Variants in B3GNT9 observed in about 807,000 individuals in gnomAD.
The protein encoded by B3GNT9 is BGnT-9.
For missense variants in B3GNT9, 669 were observed against 599.2 expected, an observed-to-expected ratio of 1.12 and a Z score of -1.22; for synonymous variants, 359 against 283.9, an observed-to-expected ratio of 1.26 and a Z score of -2.66.
Position 67,149,985 on chromosome 16 carries a change from G to T in B3GNT9, c.501C>A (p.Ala167=). Residue 167 remains alanine, a synonymous_variant, in exon 2 of 2, where the codon GCC becomes GCA. Transcript: ENST00000449549. ...TTCGCGCGCCCTCCCCAACTTCGTC[G>T]GCCCCGCCCGAGCCTGCGCCCCTGG... ...GVPRGAGSGG[A]DEVGEGARTH... 6.5e-7 allele frequency: 1 copy of T among 1,536,564 alleles called. No individual in the cohort carries two copies. Among genetic ancestry groups the T allele is most frequent in the Non-Finnish European group, 8.8e-7 (1 of 1,140,306 alleles).
chr16:67,150,598 T>C lies in B3GNT9; in HGVS notation c.-113A>G. 2 of 888,576 alleles carry C rather than the reference T, an allele frequency of 2.3e-6. No homozygotes were observed. The highest frequency in any genetic ancestry group is 3.0e-6 in the Non-Finnish European group (2 of 672,248). The allele number at this position is 888,576 out of a possible 1,614,324, so 55.0% of individuals were successfully genotyped here. A position where few individuals can be genotyped will look rare whatever the true frequency, so the allele number is the denominator to read the frequency against. The stretch of plus-strand genomic sequence containing the variant: ...CGGGAGGCCACGCCCCGGGGGGGGC[T>C]CCAGCGACCGACGGTTGAGCCCCTT... On this transcript the variant is annotated 5_prime_UTR_variant, in exon 2 of 2. Transcript: ENST00000449549.
Position 67,150,588 on chromosome 16 carries a change from C to CG in B3GNT9, c.-104dup, listed in dbSNP as rs913274876. 1.1e-3 allele frequency: 1,100 copies of CG among 996,794 alleles called. No homozygotes were observed. Among genetic ancestry groups the CG allele is most frequent in the Middle Eastern group, 1.8e-3 (5 of 2,780 alleles). 61.7% of individuals were successfully genotyped at this position (996,794 alleles called of 1,614,324 possible). A position where few individuals can be genotyped will look rare whatever the true frequency, so the allele number is the denominator to read the frequency against. Reference sequence around the variant, plus strand: ...GCTGAGGGGGCGGGAGGCCACGCCCCGGGGGGGGCTCCAGCGACCGACGGT... The same window carrying CG: ...GCTGAGGGGGCGGGAGGCCACGCCCCGGGGGGGGGCTCCAGCGACCGACGGT... On this transcript the variant is annotated 5_prime_UTR_variant, in exon 2 of 2. Coordinates refer to ENST00000449549, the MANE Select transcript of B3GNT9 (RefSeq NM_033309.3).
chr16:67,150,397 T>C lies in B3GNT9; in HGVS notation c.89A>G (p.Asp30Gly), dbSNP rs1223974983. 1.5e-6 allele frequency: 2 copies of C among 1,354,334 alleles called. No homozygotes were observed. The highest frequency in any genetic ancestry group is 3.1e-5 in the East Asian group (1 of 32,328). The allele number at this position is 1,354,334 out of a possible 1,614,324, so 83.9% of individuals were successfully genotyped here. A position where few individuals can be genotyped will look rare whatever the true frequency, so the allele number is the denominator to read the frequency against. The change falls in exon 2 of 2, where the codon GAC becomes GGC. Residue 30 changes from aspartate to glycine, a missense_variant. Asp to Gly is a moderately conservative substitution (Grantham distance 94). Coordinates refer to ENST00000449549, the MANE Select transcript of B3GNT9 (RefSeq NM_033309.3). The part of the protein sequence containing the change: ...SLGLLLYAQR[D>G]GAAPTASAPR... ...CGCGCTCGCCGTCGGGGCCGCGCCG[T>C]CGCGCTGCGCATAGAGTAAGAGGCC...
Position 67,149,639 on chromosome 16 carries a change from A to G in B3GNT9, c.847T>C (p.Tyr283His), listed in dbSNP as rs747374886. Residue 283 changes from tyrosine to histidine, a missense_variant, in exon 2 of 2, where the codon TAT becomes CAT. Coordinates refer to ENST00000449549, the MANE Select transcript of B3GNT9 (RefSeq NM_033309.3). ...CCACCGCCGCCCGCGTAGGCCGGAT[A>G]GGCGGGCAGGCCGTACACGGCCTCG... ...IPEAVYGLPAYPAYAGGGGFV... is the reference protein window; with the variant it reads ...IPEAVYGLPAHPAYAGGGGFV... 2.9e-5 allele frequency: 46 copies of G among 1,600,752 alleles called. No individual in the cohort carries two copies. The highest frequency in any genetic ancestry group is 3.7e-5 in the Non-Finnish European group (44 of 1,174,106).
chr16:67,149,724 A>G lies in B3GNT9; in HGVS notation c.762T>C (p.Ala254=), dbSNP rs2030382797. 2 of 1,613,574 alleles carry G rather than the reference A, an allele frequency of 1.2e-6. No homozygotes were observed. Among genetic ancestry groups the G allele is most frequent in the Non-Finnish European group, 1.7e-6 (2 of 1,179,786 alleles). ...APRDPAQDLL[A]GDVIVHARPI... ...GCCGCGCATGCACAATTACGTCACC[A>G]GCAAGCAGGTCTTGCGCCGGGTCCC... Residue 254 remains alanine (A), a synonymous_variant, in exon 2 of 2, where the codon GCT becomes GCC. Transcript: ENST00000449549.
rs756104538 is a variant in B3GNT9, at chr16:67,150,123, A to G, written c.363T>C (p.Ala121=). ...APGGRPDLLI[A]VKSVAEDFER... is the part of the protein sequence containing the mutation. ...CGAAGTCCTCTGCCACCGACTTGAC[A>G]GCAATAAGCAGGTCCGGGCGGCCAC... The change falls in exon 2 of 2, where the codon GCT becomes GCC. Residue 121 remains alanine (A), a synonymous_variant. Transcript: ENST00000449549. The G allele has an allele frequency of 6.7e-7, 1 of 1,496,752 alleles. No individual in the cohort carries two copies. The highest frequency in any genetic ancestry group is 8.9e-7 in the Non-Finnish European group (1 of 1,124,988). The allele number at this position is 1,496,752 out of a possible 1,614,324, so 92.7% of individuals were successfully genotyped here.
At position 67,150,026 on chromosome 16, in the gene B3GNT9, A is replaced by C. The variant is rs2030402350; in HGVS notation, c.460T>G (p.Phe154Val). 6.6e-7 allele frequency: 1 copy of C among 1,518,656 alleles called. No homozygotes were observed. The highest frequency in any genetic ancestry group is 8.8e-7 in the Non-Finnish European group (1 of 1,134,048). The allele number at this position is 1,518,656 out of a possible 1,614,324, so 94.1% of individuals were successfully genotyped here. ...RVQGALVRRVFLLGVPRGAGS... is the reference protein window; with the variant it reads ...RVQGALVRRVVLLGVPRGAGS... ...GCGCCCCTGGGCACGCCCAGCAAGA[A>C]CACGCGGCGCACCAGCGCCCCCTGC... The change falls in exon 2 of 2, where the codon TTC becomes GTC. Residue 154 changes from phenylalanine to valine, a missense_variant. Coordinates refer to ENST00000449549, the MANE Select transcript of B3GNT9 (RefSeq NM_033309.3).
rs1419730884 is a variant in B3GNT9, at chr16:67,148,388, C to A, written c.*889G>T. 6.6e-6 allele frequency: 1 copy of A among 152,646 alleles called. No individual in the cohort carries two copies. Among genetic ancestry groups the A allele is most frequent in the African/African-American group, 2.4e-5 (1 of 41,452 alleles). 9.5% of individuals were successfully genotyped at this position (152,646 alleles called of 1,614,324 possible). On this transcript the variant is annotated 3_prime_UTR_variant, in exon 2 of 2. Transcript: ENST00000449549. Reference sequence around the variant, plus strand: ...ACTGTGGCCTGGCCAGAGCCCCTTGCATATCCCCACTGTCAGGGGCAGCCA... The same window carrying A: ...ACTGTGGCCTGGCCAGAGCCCCTTGAATATCCCCACTGTCAGGGGCAGCCA...
Position 67,150,336 on chromosome 16 carries a change from G to T in B3GNT9, c.150C>A (p.Thr50=), listed in dbSNP as rs763632204. 7.2e-7 allele frequency: 1 copy of T among 1,381,348 alleles called. No homozygotes were observed. The highest frequency in any genetic ancestry group is 9.4e-7 in the Non-Finnish European group (1 of 1,067,798). The allele number at this position is 1,381,348 out of a possible 1,614,324, so 85.6% of individuals were successfully genotyped here. Residue 50 remains threonine (T), a synonymous_variant, in exon 2 of 2, where the codon ACC becomes ACA. Coordinates refer to ENST00000449549, the MANE Select transcript of B3GNT9 (RefSeq NM_033309.3). The part of the protein sequence containing the change: ...RGRGRAAPRP[T]PGPRAFQLPD... Reference sequence around the variant, plus strand: ...GTAACTGGAACGCGCGGGGTCCGGGGGTGGGCCTCGGTGCCGCCCTCCCTC... The same window carrying T: ...GTAACTGGAACGCGCGGGGTCCGGGTGTGGGCCTCGGTGCCGCCCTCCCTC...
intron 1 of B3GNT9, 85 bp downstream of exon 1, chr16:67,150,780 C>T (rs752263764): frequency 4.8e-5 from 15 of 313,174 alleles, no homozygotes; most frequent in Non-Finnish European, 6.4e-5. Flanking sequence ...TCGGCCCCTC[C>T]CCCGCCCGCC....
chr16:67,149,226 A>C lies in B3GNT9; in HGVS notation c.*51T>G. On this transcript the variant is annotated 3_prime_UTR_variant, in exon 2 of 2. Transcript: ENST00000449549. ...CCACATACACGGCAATAATCTGGGA[A>C]ACCGGCTCCATTCTGGGTCTGAGTT... 1 of 1,503,502 alleles carries C rather than the reference A, an allele frequency of 6.7e-7. No homozygotes were observed. The highest frequency in any genetic ancestry group is 8.9e-7 in the Non-Finnish European group (1 of 1,127,654). The allele number at this position is 1,503,502 out of a possible 1,614,324, so 93.1% of individuals were successfully genotyped here.
Position 67,149,790 on chromosome 16 carries a change from C to T in B3GNT9, c.696G>A (p.Val232=). ...VRFVFKGDAD[V]FVNVGNLLEF... ...CCAGGAGATTTCCCACGTTCACGAACACATCTGCGTCGCCCTTAAAAACGA... is the reference window on the plus strand; with the variant it reads ...CCAGGAGATTTCCCACGTTCACGAATACATCTGCGTCGCCCTTAAAAACGA... Residue 232 remains valine (V), a synonymous_variant, in exon 2 of 2, where the codon GTG becomes GTA. Transcript: ENST00000449549. 1 of 1,613,908 alleles carries T rather than the reference C, an allele frequency of 6.2e-7. No homozygotes were observed. The highest frequency in any genetic ancestry group is 8.5e-7 in the Non-Finnish European group (1 of 1,179,818).
rs764039776 is a variant in B3GNT9, at chr16:67,149,036, C to T, written c.*241G>A. ...ACCAGACATATCCACTGCTCTGGGA[C>T]CTGTTGGACAAGAGATGGTCATCTA... On this transcript the variant is annotated 3_prime_UTR_variant, in exon 2 of 2. Coordinates refer to ENST00000449549, the MANE Select transcript of B3GNT9 (RefSeq NM_033309.3). The T allele has an allele frequency of 1.0e-5, 7 of 696,264 alleles. No individual in the cohort carries two copies. In the Admixed American group the frequency reaches 1.2e-4, roughly 11 times the overall value. 43.1% of individuals were successfully genotyped at this position (696,264 alleles called of 1,614,324 possible). A position where few individuals can be genotyped will look rare whatever the true frequency, so the allele number is the denominator to read the frequency against.
In B3GNT9 at chr16:67,149,283, G is replaced by A. The variant is rs1436440677; in HGVS notation, c.1203C>T (p.Asp401=). The A allele has an allele frequency of 6.5e-7, 1 of 1,538,396 alleles. No homozygotes were observed. The highest frequency in any genetic ancestry group is 8.7e-7 in the Non-Finnish European group (1 of 1,142,898). Residue 401 remains aspartate (D), a synonymous_variant, in exon 2 of 2, where the codon GAC becomes GAT. Coordinates refer to ENST00000449549, the MANE Select transcript of B3GNT9 (RefSeq NM_033309.3). ...TTGGGGCTGTAGTGGGGAGCTAGGA[G>A]TCCCATTGGAAGGGGCCTGCAGCGA... ...QPVAAGPFQW[D]S
Position 67,148,456 on chromosome 16 carries a change from C to G in B3GNT9, c.*821G>C, listed in dbSNP as rs1261033063. 2 of 152,560 alleles carry G rather than the reference C, an allele frequency of 1.3e-5. No homozygotes were observed. The highest frequency in any genetic ancestry group is 2.4e-5 in the African/African-American group (1 of 41,468). 9.5% of individuals were successfully genotyped at this position (152,560 alleles called of 1,614,324 possible). ...CTGGAATGGGGGAACCTTCCTTATC[C>G]CCTGCCCACATCCCCTCTCCAATAA... is the stretch of plus-strand genomic sequence containing the variant. On this transcript the variant is annotated 3_prime_UTR_variant, in exon 2 of 2. Transcript: ENST00000449549.
At position 67,150,371 on chromosome 16, in the gene B3GNT9, GC is replaced by G; in HGVS notation, c.114del (p.Pro39ArgfsTer166). The G allele has an allele frequency of 7.4e-7, 1 of 1,347,652 alleles. No individual in the cohort carries two copies. Among genetic ancestry groups the G allele is most frequent in the Non-Finnish European group, 9.5e-7 (1 of 1,050,520 alleles). 83.5% of individuals were successfully genotyped at this position (1,347,652 alleles called of 1,614,324 possible). A position where few individuals can be genotyped will look rare whatever the true frequency, so the allele number is the denominator to read the frequency against. Reference protein sequence around the residue: ...QRDGAAPTASAPRGRGRAAPR... With the variant: ...QRDGAAPTASXPRGRGRAAPR... ...GGTGCCGCCCTCCCTCGCCCTCGCG[GC>G]GCGCTCGCCGTCGGGGCCGCGCCGT... On this transcript the variant is annotated frameshift_variant, in exon 2 of 2. Coordinates refer to ENST00000449549, the MANE Select transcript of B3GNT9 (RefSeq NM_033309.3). LOFTEE classifies it low-confidence loss of function (END_TRUNC).
At position 67,149,782 on chromosome 16, in the gene B3GNT9, T is replaced by C. The variant is rs762295985; in HGVS notation, c.704A>G (p.Asn235Ser). Reference protein sequence around the residue: ...VFKGDADVFVNVGNLLEFLAP... With the variant: ...VFKGDADVFVSVGNLLEFLAP... ...CAGGAACTCCAGGAGATTTCCCACGTTCACGAACACATCTGCGTCGCCCTT... is the reference window on the plus strand; with the variant it reads ...CAGGAACTCCAGGAGATTTCCCACGCTCACGAACACATCTGCGTCGCCCTT... The change falls in exon 2 of 2, where the codon AAC (asparagine) becomes AGC (serine). Residue 235 changes from asparagine to serine, a missense_variant. By Grantham distance (46) the Asn-to-Ser change is conservative. Coordinates refer to ENST00000449549, the MANE Select transcript of B3GNT9 (RefSeq NM_033309.3). 2 of 1,613,894 alleles carry C rather than the reference T, an allele frequency of 1.2e-6. No individual in the cohort carries two copies. The highest frequency in any genetic ancestry group is 2.2e-5 in the South Asian group (2 of 91,090).
rs1321736780 is a variant in B3GNT9 at position 67,149,739 on chromosome 16, C to T, written c.747G>A (p.Ala249=). 2 of 1,613,680 alleles carry T rather than the reference C, an allele frequency of 1.2e-6. No individual in the cohort carries two copies. The highest frequency in any genetic ancestry group is 1.7e-6 in the Non-Finnish European group (2 of 1,179,808). ...TTACGTCACCAGCAAGCAGGTCTTG[C>T]GCCGGGTCCCGCGGCGCCAGGAACT... ...LLEFLAPRDP[A]QDLLAGDVIV... The change falls in exon 2 of 2, where the codon GCG becomes GCA. Residue 249 remains alanine (A), a synonymous_variant. Transcript: ENST00000449549.
rs1288665542 is a variant in B3GNT9 at position 67,150,091 on chromosome 16, C to T, written c.395G>A (p.Arg132His). 5.5e-6 allele frequency: 8 copies of T among 1,459,586 alleles called. No homozygotes were observed. The highest frequency in any genetic ancestry group is 1.5e-5 in the African/African-American group (1 of 67,224). 90.4% of individuals were successfully genotyped at this position (1,459,586 alleles called of 1,614,324 possible). A position where few individuals can be genotyped will look rare whatever the true frequency, so the allele number is the denominator to read the frequency against. Residue 132 changes from arginine (R) to histidine (H), a missense_variant, in exon 2 of 2, where the codon CGC becomes CAC. Transcript: ENST00000449549. ...GCCCCACGTCTGGCGCACGGCTTGG[C>T]GCCGCTCGAAGTCCTCTGCCACCGA... Reference protein sequence around the residue: ...VKSVAEDFERRQAVRQTWGAE... With the variant: ...VKSVAEDFERHQAVRQTWGAE...
Sources: gnomAD v4.1 joint callset for allele counts on GRCh38, gnomAD v4.1.1 for gene constraint, MANE v1.5 for transcripts, NCBI Gene and HGNC (gene_info 2026-07-23, HGNC 2026-07-21) for gene names.